The following MINDY2 variants were observed in gnomAD, a reference collection of about 807,000 sequenced individuals.
MINDY2 encodes the protein ubiquitin carboxyl-terminal hydrolase MINDY-2.
In MINDY2, 52 loss-of-function variants were observed where a neutral mutation model predicts 68.2. The observed-to-expected ratio is 0.76, with a 90% CI of 0.61 to 0.96. MINDY2 has a LOEUF of 0.96. MINDY2 is among the 40% of genes least tolerant of loss of function. MINDY2 has a pLI of 0.00. For missense variants in MINDY2, 881 were observed against 773.4 expected (o/e 1.14, Z -1.65); for synonymous variants, 372 against 303.0 (o/e 1.23, Z -2.36).
chr15:58,771,309 C>T lies in MINDY2; in HGVS notation c.-87C>T. 5.3e-6 allele frequency: 8 copies of T among 1,517,994 alleles called. No homozygotes were observed. The highest frequency in any genetic ancestry group is 7.0e-6 in the Non-Finnish European group (8 of 1,135,808). The allele number at this position is 1,517,994 out of a possible 1,614,324, so 94.0% of individuals were successfully genotyped here. ...CCGAGGCCGCGCCAGGGCGCTGTTG[C>T]TGCCAATACAGCTGTCATGGCGTCC... On this transcript the variant is annotated 5_prime_UTR_variant, in exon 1 of 9. Transcript: ENST00000559228.
At chr15:58,781,658 A>G (rs990778106) in intron 1 of MINDY2, among the ~76,000 whole-genome samples, 1 of 152,006 alleles carries the variant, frequency 6.6e-6, no homozygotes, top group Non-Finnish European at 1.5e-5. Flanking sequence ...TAATCCCAGC[A>G]CTTTGGGAGG....
At chr15:58,778,781 C>T (rs531444870) in intron 1 of MINDY2, among the ~76,000 whole-genome samples, 2 of 150,508 alleles carry the variant, frequency 1.3e-5, no homozygotes, top group South Asian at 4.2e-4. Context: ...TGTGTGCTAC[C>T]ATGCCCACCT....
At position 58,771,838 on chromosome 15, in the gene MINDY2, C is replaced by G. The variant is rs760041782; in HGVS notation, c.443C>G (p.Ser148Cys). ...TCQAELTAAGSEEPSSAGGLS... is the reference protein window; with the variant it reads ...TCQAELTAAGCEEPSSAGGLS... ...CAAGCAGAACTGACCGCCGCCGGCT[C>G]CGAAGAGCCCAGCAGCGCCGGCGGC... is the stretch of plus-strand genomic sequence containing the variant. Residue 148 changes from serine to cysteine, a missense_variant, in exon 1 of 9, where the codon TCC becomes TGC. Transcript: ENST00000559228. 2 of 1,606,966 alleles carry G rather than the reference C, an allele frequency of 1.2e-6. No homozygotes were observed. Among genetic ancestry groups the G allele is most frequent in the South Asian group, 1.1e-5 (1 of 90,650 alleles).
intron 1 of MINDY2, among the ~76,000 whole-genome samples, chr15:58,775,641 A>G (rs1453085698): frequency 1.2e-4 from 19 of 152,186 alleles, no homozygotes; most frequent in Admixed American, 1.2e-3. Context: ...TGATGACTAT[A>G]AGAAGTGAAG....
intron 1 of MINDY2, among the ~76,000 whole-genome samples, chr15:58,782,472 C>T (rs918102779): frequency 1.3e-5 from 2 of 152,176 alleles, no homozygotes; most frequent in African/African-American, 2.4e-5. Flanking sequence ...TCATTTTCTT[C>T]TACAAACTTA....
chr15:58,784,746 A>G (rs1183705828), intron 1 of MINDY2, among the ~76,000 whole-genome samples: 4 of 151,318 alleles, frequency 2.6e-5, no homozygotes, highest in Non-Finnish European at 5.9e-5. Context: ...CAGCCTCCCA[A>G]ATAGCTGGAA....
chr15:58,808,537 G>GA (rs2029980034), intron 3 of MINDY2, among the ~76,000 whole-genome samples: 1 of 151,992 alleles, frequency 6.6e-6, no homozygotes, highest in African/African-American at 2.4e-5. Flanking sequence ...TTCATGGCTT[G>GA]ATAGCTCATC....
At chr15:58,850,574 C>A (rs1329060677) in intron 7 of MINDY2, among the ~76,000 whole-genome samples, 1 of 152,028 alleles carries the variant, frequency 6.6e-6, no homozygotes, top group Non-Finnish European at 1.5e-5. Flanking sequence ...TTAAAAAATT[C>A]TTTAAACCAA....
chr15:58,798,395 G>T (rs1378564268), intron 2 of MINDY2, among the ~76,000 whole-genome samples: 1 of 151,562 alleles, frequency 6.6e-6, no homozygotes, highest in Non-Finnish European at 1.5e-5. Flanking sequence ...AAAGTGCTGG[G>T]ACTACAGGCG....
chr15:58,861,764 A>T lies in MINDY2; in HGVS notation c.*7154A>T, dbSNP rs2033223676. 6.6e-6 allele frequency: 1 copy of T among 152,210 alleles called. No individual in the cohort carries two copies. Among genetic ancestry groups the T allele is most frequent in the African/African-American group, 2.4e-5 (1 of 41,466 alleles). 9.4% of individuals were successfully genotyped at this position (152,210 alleles called of 1,614,324 possible). The stretch of plus-strand genomic sequence containing the variant: ...CTTTCATGTTTGTTATTGTACCACA[A>T]AGATAGTGTCATTGTTGGGTTAAAA... On this transcript the variant is annotated 3_prime_UTR_variant, in exon 9 of 9. Coordinates refer to ENST00000559228, the MANE Select transcript of MINDY2 (RefSeq NM_001040450.3).
rs537233415 is a variant in MINDY2, at chr15:58,850,698, C to T, written c.1543-1073C>T. Among the ~76,000 whole-genome samples, 46 of 152,278 alleles carry T rather than the reference C, an allele frequency of 3.0e-4. No individual in the cohort carries two copies. The East Asian group carries it at 6.2e-3, about 20-fold the overall frequency. On this transcript the variant is annotated intron_variant, in intron 7 of 8. Coordinates refer to ENST00000559228, the MANE Select transcript of MINDY2 (RefSeq NM_001040450.3). ...TTCTGGCCTCAAGTGATCCTCCCAC[C>T]TCAGCCTCCCCTAGTAGCTGGGACC...
intron 1 of MINDY2, among the ~76,000 whole-genome samples, chr15:58,787,566 C>T (rs995359460): frequency 2.6e-5 from 4 of 151,846 alleles, no homozygotes; most frequent in African/African-American, 9.7e-5. Flanking sequence ...AGAACCTCCT[C>T]TCTACTAAAA....
chr15:58,844,637 G>A (rs924561602), intron 6 of MINDY2, among the ~76,000 whole-genome samples: 1 of 150,686 alleles, frequency 6.6e-6, no homozygotes, highest in Admixed American at 6.7e-5. Flanking sequence ...TAAACGTCAG[G>A]CCAGGCGCGG....
intron 6 of MINDY2, among the ~76,000 whole-genome samples, chr15:58,833,384 T>C (rs2031836851): frequency 6.6e-6 from 1 of 152,110 alleles, no homozygotes; most frequent in Non-Finnish European, 1.5e-5. Context: ...GTGTTTCTCA[T>C]TAGGTGGAAC....
intron 4 of MINDY2, among the ~76,000 whole-genome samples, chr15:58,812,593 C>T (rs777521400): frequency 1.3e-5 from 2 of 152,178 alleles, no homozygotes; most frequent in Non-Finnish European, 2.9e-5. Context: ...GACACAGTGG[C>T]TCATGCCTGT....
chr15:58,832,623 G>T (rs1456345428), intron 6 of MINDY2, among the ~76,000 whole-genome samples: 1 of 151,596 alleles, frequency 6.6e-6, no homozygotes, highest in Non-Finnish European at 1.5e-5. Flanking sequence ...TCCGCCTCAG[G>T]TTCAAGCAAT....
chr15:58,773,276 C>A (rs1900561258), intron 1 of MINDY2, among the ~76,000 whole-genome samples: 1 of 151,968 alleles, frequency 6.6e-6, no homozygotes, highest in African/African-American at 2.4e-5. Flanking sequence ...TACAGTGAGA[C>A]CCTATATTAA....
Position 58,841,390 on chromosome 15 carries a change from C to T in MINDY2, c.1369-5907C>T, listed in dbSNP as rs112685813. ...GGTTTATGATTCTATGAAGATAATA[C>T]GCTTTTCCTTTCTTTTCTTTTTTTT... On this transcript the variant is annotated intron_variant, in intron 6 of 8. Coordinates refer to ENST00000559228, the MANE Select transcript of MINDY2 (RefSeq NM_001040450.3). 3.5e-4 allele frequency among the ~76,000 whole-genome samples: 53 copies of T among 151,404 alleles called. 1 individual carries two copies. The highest frequency in any genetic ancestry group is 2.0e-3 in the Admixed American group (31 of 15,164).
intron 3 of MINDY2, among the ~76,000 whole-genome samples, chr15:58,803,337 G>A (rs537585020): frequency 1.2e-4 from 18 of 151,966 alleles, no homozygotes; most frequent in African/African-American, 4.1e-4. Context: ...GCATGGTGAT[G>A]CGCGCCTGTA....
Sources: allele counts gnomAD v4.1 joint callset (sites outside exome capture counted in the v4.1 genomes callset), GRCh38; gene constraint gnomAD v4.1.1; transcripts MANE v1.5; gene names NCBI Gene and HGNC (gene_info 2026-07-23, HGNC 2026-07-21).